The following CPNE4 variants were observed in gnomAD, a reference collection of about 807,000 sequenced individuals.
The protein encoded by CPNE4 is copine 4.
CPNE4 carries 25 observed loss-of-function variants against 67.9 expected under a neutral mutation model. The observed-to-expected ratio is 0.37, with a 90% CI of 0.27 to 0.51. The LOEUF (loss-of-function observed/expected upper bound fraction) is 0.51. CPNE4 is among the 20% of genes least tolerant of loss of function. The pLI is 0.93. For synonymous variants in CPNE4, 242 were observed against 244.9 expected (o/e 0.99, Z 0.11); for missense variants, 464 against 690.8 (o/e 0.67, Z 3.68).
chr3:131,967,989 G>A (rs1021676782), intron 1 of CPNE4, among the ~76,000 whole-genome samples: 6 of 152,112 alleles, frequency 3.9e-5, no homozygotes, highest in Non-Finnish European at 4.4e-5. Flanking sequence ...AAAACAGCAT[G>A]GTAATGGTAC....
At chr3:131,570,821 T>TAA (rs1937301063) in intron 10 of CPNE4, among the ~76,000 whole-genome samples, 1 of 152,074 alleles carries the variant, frequency 6.6e-6, no homozygotes, top group South Asian at 2.1e-4. Flanking sequence ...CAAAAAAGAA[T>TAA]AAGAATCATT....
intron 7 of CPNE4, among the ~76,000 whole-genome samples, chr3:131,615,903 ACACACACACACACACACACACACACG>A (rs1437430991): frequency 3.5e-4 from 34 of 98,422 alleles, no homozygotes; most frequent in African/African-American, 2.1e-3. Context: ...ACACACACAC[ACACACACACACACACACACACACACG>A]CACACACACA....
At chr3:131,909,093 C>G (rs1361075018) in intron 1 of CPNE4, among the ~76,000 whole-genome samples, 1 of 152,096 alleles carries the variant, frequency 6.6e-6, no homozygotes, top group African/African-American at 2.4e-5. Flanking sequence ...TATTTACAAC[C>G]TGTACAATCT....
chr3:132,026,039 T>C (rs2074108248), intron 1 of CPNE4, among the ~76,000 whole-genome samples: 1 of 152,220 alleles, frequency 6.6e-6, no homozygotes, highest in Non-Finnish European at 1.5e-5. Context: ...TGTGCAGTAG[T>C]AATATGTCAT....
intron 7 of CPNE4, among the ~76,000 whole-genome samples, chr3:131,636,535 C>A (rs1174797874): frequency 6.6e-6 from 1 of 152,164 alleles, no homozygotes; most frequent in Non-Finnish European, 1.5e-5. Context: ...TCCCTGCCCC[C>A]ACCTAGTGGT....
At chr3:131,687,203 A>G (rs1455456190) in intron 5 of CPNE4, among the ~76,000 whole-genome samples, 8 of 152,218 alleles carry the variant, frequency 5.3e-5, no homozygotes, top group African/African-American at 1.9e-4. Context: ...GTGATGTAAA[A>G]TAACTAAGTG....
rs1040828564 is a variant in CPNE4, at chr3:131,669,732, T to C, written c.624A>G (p.Lys208=). ...VVMNNLSPAW[K]SFKVSVNSLC... ...GAGAATTTACAGATACTTTGAATGA[T>C]TTCCAGGCTGGGCTTAAGTTATTCA... The change falls in exon 7 of 16, where the codon AAA becomes AAG. Residue 208 remains lysine, a synonymous_variant. Transcript: ENST00000429747. The C allele has an allele frequency of 4.3e-6, 7 of 1,613,824 alleles. No individual in the cohort carries two copies. In the African/African-American group the frequency reaches 6.7e-5, roughly 15 times the overall value.
At chr3:131,596,745 T>G (rs1386304771) in intron 7 of CPNE4, among the ~76,000 whole-genome samples, 1 of 151,484 alleles carries the variant, frequency 6.6e-6, no homozygotes, top group East Asian at 1.9e-4. Context: ...TTCTGAAGGA[T>G]AAATTCTGCC....
At chr3:131,841,079 A>G (rs1430892383) in intron 2 of CPNE4, among the ~76,000 whole-genome samples, 1 of 152,234 alleles carries the variant, frequency 6.6e-6, no homozygotes, top group African/African-American at 2.4e-5. Flanking sequence ...ATGGTTAGAC[A>G]GAACCATCAA....
intron 2 of CPNE4, among the ~76,000 whole-genome samples, chr3:131,853,901 G>A (rs2086335182): frequency 6.6e-6 from 1 of 151,876 alleles, no homozygotes; most frequent in Non-Finnish European, 1.5e-5. Context: ...ATGCTGGCAT[G>A]CATGTAGAGC....
At chr3:131,827,245 A>G (rs2085197619) in intron 2 of CPNE4, among the ~76,000 whole-genome samples, 1 of 152,216 alleles carries the variant, frequency 6.6e-6, no homozygotes, top group Admixed American at 6.5e-5. Flanking sequence ...CAGACTTTGC[A>G]TTGTAAAAAT....
At chr3:131,977,090 G>A (rs1453753810) in intron 1 of CPNE4, among the ~76,000 whole-genome samples, 1 of 152,114 alleles carries the variant, frequency 6.6e-6, no homozygotes, top group Non-Finnish European at 1.5e-5. Context: ...ATGAGCCACT[G>A]AGCCCAGCCA....
intron 2 of CPNE4, among the ~76,000 whole-genome samples, chr3:131,809,753 A>C (rs1383816489): frequency 1.3e-5 from 2 of 152,162 alleles, no homozygotes; most frequent in African/African-American, 4.8e-5. Context: ...GTTATTGTAG[A>C]GATTTGCAAA....
chr3:131,572,584 C>G (rs1196184759), intron 10 of CPNE4, among the ~76,000 whole-genome samples: 1 of 151,836 alleles, frequency 6.6e-6, no homozygotes, highest in African/African-American at 2.4e-5. Flanking sequence ...TCCTGGGGCA[C>G]AGAAGGGAGA....
At chr3:131,556,508 T>C (rs1039623052) in intron 11 of CPNE4, among the ~76,000 whole-genome samples, 5 of 152,104 alleles carry the variant, frequency 3.3e-5, no homozygotes, top group African/African-American at 1.2e-4. Context: ...ATGTCTTTTC[T>C]TGTTTTTTGA....
intron 2 of CPNE4, among the ~76,000 whole-genome samples, chr3:131,825,507 A>C (rs1299098985): frequency 1.3e-5 from 2 of 151,528 alleles, no homozygotes; most frequent in Non-Finnish European, 2.9e-5. Context: ...AAAAAAAAAA[A>C]AACATTGGTA....
intron 2 of CPNE4, among the ~76,000 whole-genome samples, chr3:131,834,983 A>G (rs752466299): frequency 6.6e-6 from 1 of 152,240 alleles, no homozygotes; most frequent in Non-Finnish European, 1.5e-5. Flanking sequence ...TAATAAAAAT[A>G]GAATGATAGC....
intron 2 of CPNE4, among the ~76,000 whole-genome samples, chr3:131,821,098 AAGG>A (rs1417502453): frequency 1.3e-5 from 2 of 152,170 alleles, no homozygotes; most frequent in Non-Finnish European, 2.9e-5. Context: ...CAGAAAACTG[AAGG>A]AGGAGGAGGA....
chr3:131,657,040 T>C (rs1446208791), intron 7 of CPNE4, among the ~76,000 whole-genome samples: 1 of 152,194 alleles, frequency 6.6e-6, no homozygotes, highest in African/African-American at 2.4e-5. Context: ...AATGCCATAC[T>C]TAATCATTAT....
Sources: allele counts gnomAD v4.1 joint callset (sites outside exome capture counted in the v4.1 genomes callset), GRCh38; gene constraint gnomAD v4.1.1; transcripts MANE v1.5; gene names NCBI Gene and HGNC (gene_info 2026-07-23, HGNC 2026-07-21).